The following GHR variants were observed in gnomAD, a reference collection of about 807,000 sequenced individuals.
GHR encodes growth hormone receptor.
In GHR, 35 loss-of-function variants were observed where a neutral mutation model predicts 67.1. That is an observed-to-expected ratio of 0.52 (90% CI 0.40 to 0.69). GHR has a LOEUF of 0.69. Among genes scored for constraint, GHR ranks in the 30% least tolerant of loss-of-function variants. GHR has a pLI of 0.00. For missense variants in GHR, 792 were observed against 764.6 expected, an observed-to-expected ratio of 1.04 and a Z score of -0.42; for synonymous variants, 272 against 269.1, an observed-to-expected ratio of 1.01 and a Z score of -0.10.
At chr5:42,713,344 A>AT in intron 7 of GHR, 85 bp from the exon 8 acceptor site, 2 of 749,132 alleles carry the variant, frequency 2.7e-6, no homozygotes, top group South Asian at 1.4e-5. Context: ...CAAATTATGA[A>AT]TTTTTTGTGA....
intron 1 of GHR, among the ~76,000 whole-genome samples, chr5:42,542,497 G>A (rs1274284287): frequency 2.0e-5 from 3 of 152,122 alleles, no homozygotes; most frequent in Non-Finnish European, 2.9e-5. Context: ...AAATGGGTCA[G>A]TAACTTCATG....
intron 1 of GHR, among the ~76,000 whole-genome samples, chr5:42,435,177 A>G (rs920021440): frequency 6.6e-6 from 1 of 152,050 alleles, no homozygotes; most frequent in Non-Finnish European, 1.5e-5. Context: ...CCTTTCCCCA[A>G]ACAACGAAAC....
chr5:42,669,500 C>A (rs948653291), intron 3 of GHR, among the ~76,000 whole-genome samples: 1 of 152,184 alleles, frequency 6.6e-6, no homozygotes, highest in African/African-American at 2.4e-5. Context: ...GTTGGCAAAG[C>A]ATTGCTATAC....
intron 2 of GHR, among the ~76,000 whole-genome samples, chr5:42,582,275 T>G (rs4496716): frequency 0.36 from 54,902 of 152,182 alleles, 11,761 homozygotes; most frequent in African/African-American, 0.6. Context: ...CCGGAAGCCT[T>G]GTGGCTGAGC....
intron 1 of GHR, chr5:42,468,607 G>T: frequency 9.7e-7 from 1 of 1,027,166 alleles, no homozygotes; most frequent in Non-Finnish European, 1.5e-6. Context: ...TGTCAACCAC[G>T]CCAACGCTGG....
rs759072721 is a variant in GHR at position 42,695,001 on chromosome 5, G to C, written c.351G>C (p.Ser117=). Residue 117 remains serine (S), a synonymous_variant, in exon 5 of 10, where the codon TCG becomes TCC. Coordinates refer to ENST00000230882, the MANE Select transcript of GHR (RefSeq NM_000163.5). ...AAAACAGCTGTTACTTTAATTCATC[G>C]TTTACCTCCATCTGGATACCTTATT... ...AGENSCYFNS[S]FTSIWIPYCI... is the part of the protein sequence containing the mutation. The C allele has an allele frequency of 1.9e-6, 3 of 1,609,452 alleles. No homozygotes were observed. Among genetic ancestry groups the C allele is most frequent in the Non-Finnish European group, 2.6e-6 (3 of 1,175,984 alleles).
intron 1 of GHR, among the ~76,000 whole-genome samples, chr5:42,474,291 G>A (rs201573951): frequency 0.011 from 81 of 7,342 alleles, no homozygotes; most frequent in Admixed American, 0.023. Flanking sequence ...AAGAAAAAGA[G>A]AAAGAGAAAG....
At chr5:42,522,134 T>C (rs943031907) in intron 1 of GHR, among the ~76,000 whole-genome samples, 3 of 152,202 alleles carry the variant, frequency 2.0e-5, no homozygotes, top group South Asian at 2.1e-4. Flanking sequence ...CCTATCATTA[T>C]TCTGTTAAAG....
intron 3 of GHR, among the ~76,000 whole-genome samples, chr5:42,677,936 T>G (rs546136489): frequency 6.6e-6 from 1 of 152,304 alleles, no homozygotes; most frequent in Non-Finnish European, 1.5e-5. Context: ...ATGTTCATCA[T>G]TTGCTCTTCC....
chr5:42,709,797 AC>A (rs1758363139), intron 6 of GHR, among the ~76,000 whole-genome samples: 1 of 152,084 alleles, frequency 6.6e-6, no homozygotes, highest in Non-Finnish European at 1.5e-5. Context: ...TTGCACTTAG[AC>A]TTGGATGAGA....
At chr5:42,661,581 C>T (rs965032718) in intron 3 of GHR, among the ~76,000 whole-genome samples, 1 of 152,150 alleles carries the variant, frequency 6.6e-6, no homozygotes, top group African/African-American at 2.4e-5. Context: ...ACCAGGCCTG[C>T]CCTACAAGAG....
In GHR at chr5:42,470,085, CATATT is replaced by C. The variant is rs554549773; in HGVS notation, c.-12+46140_-12+46144del. 2.8e-3 allele frequency among the ~76,000 whole-genome samples: 388 copies of C among 138,156 alleles called. 5 individuals carry two copies. Among genetic ancestry groups the C allele is most frequent in the African/African-American group, 9.2e-3 (354 of 38,616 alleles). The allele number at this position is 138,156 out of a possible 152,430, so 90.6% of individuals were successfully genotyped here. A position where few individuals can be genotyped will look rare whatever the true frequency, so the allele number is the denominator to read the frequency against. On this transcript the variant is annotated intron_variant, in intron 1 of 9. Coordinates refer to ENST00000230882, the MANE Select transcript of GHR (RefSeq NM_000163.5). ...GTGTGTATAAATAATATGTAAATAACATATTATATTATATGTCAATAATAAAATAT... is the reference window on the plus strand; with the variant it reads ...GTGTGTATAAATAATATGTAAATAACATATTATATGTCAATAATAAAATAT...
intron 1 of GHR, among the ~76,000 whole-genome samples, chr5:42,524,311 G>A (rs182722801): frequency 6.6e-6 from 1 of 152,178 alleles, no homozygotes; most frequent in Non-Finnish European, 1.5e-5. Flanking sequence ...TGAGGAACTT[G>A]TTGGGAACTG....
chr5:42,671,624 C>G (rs1040504763), intron 3 of GHR, among the ~76,000 whole-genome samples: 1 of 145,130 alleles, frequency 6.9e-6, no homozygotes, highest in African/African-American at 2.5e-5. Context: ...TTGATAAAAT[C>G]CAACCTCCCT....
chr5:42,678,660 G>T (rs1055937051), intron 3 of GHR, among the ~76,000 whole-genome samples: 1 of 152,106 alleles, frequency 6.6e-6, no homozygotes, highest in Non-Finnish European at 1.5e-5. Context: ...CCAGACAAAG[G>T]AAACATTCTT....
intron 1 of GHR, among the ~76,000 whole-genome samples, chr5:42,455,865 A>G (rs1744237842): frequency 6.6e-6 from 1 of 152,236 alleles, no homozygotes; most frequent in African/African-American, 2.4e-5. Context: ...ATAAGAAGTC[A>G]GAAGACTTAG....
At chr5:42,622,663 C>T (rs148493453) in intron 2 of GHR, among the ~76,000 whole-genome samples, 12 of 152,258 alleles carry the variant, frequency 7.9e-5, no homozygotes, top group Non-Finnish European at 1.5e-4. Flanking sequence ...GTATATGGTA[C>T]TATGTTTACT....
At chr5:42,599,357 A>ATTTTTT (rs36037535) in intron 2 of GHR, among the ~76,000 whole-genome samples, 8 of 103,920 alleles carry the variant, frequency 7.7e-5, no homozygotes, top group East Asian at 2.5e-4. Context: ...CCTACAGCAC[A>ATTTTTT]TTTTTTTTTT....
intron 3 of GHR, among the ~76,000 whole-genome samples, chr5:42,667,482 A>G (rs533988986): frequency 8.0e-4 from 122 of 152,312 alleles, no homozygotes; most frequent in African/African-American, 2.7e-3. Flanking sequence ...GTGGTCCCCA[A>G]TGTTGGCTGC....
Sources: gnomAD v4.1 joint callset for allele counts (sites outside exome capture counted in the v4.1 genomes callset) on GRCh38, gnomAD v4.1.1 for gene constraint, MANE v1.5 for transcripts, NCBI Gene and HGNC (gene_info 2026-07-23, HGNC 2026-07-21) for gene names.